CCDC149: variants seen among roughly 807,000 people sequenced by gnomAD.
CCDC149 encodes the protein coiled-coil domain-containing protein 149.
A neutral mutation model predicts 59.9 loss-of-function variants in CCDC149; 45 were observed. The observed-to-expected ratio is 0.75, with a 90% CI of 0.59 to 0.96. The LOEUF is 0.96. CCDC149 is among the 40% of genes least tolerant of loss of function. The pLI is 0.00. For synonymous variants in CCDC149, 245 were observed against 260.6 expected, an observed-to-expected ratio of 0.94 and a Z score of 0.58; for missense variants, 584 against 664.7, an observed-to-expected ratio of 0.88 and a Z score of 1.33.
chr4:24,940,881 C>T (rs565391777), intron 1 of CCDC149, among the ~76,000 whole-genome samples: 14 of 152,296 alleles, frequency 9.2e-5, no homozygotes, highest in South Asian at 2.1e-4. Flanking sequence ...TACAGGAGCA[C>T]CCAGATTCAT....
chr4:24,862,007 C>T (rs1321183192), intron 3 of CCDC149, among the ~76,000 whole-genome samples: 3 of 152,184 alleles, frequency 2.0e-5, no homozygotes, highest in African/African-American at 7.2e-5. Flanking sequence ...GAGATGGTGT[C>T]ACCCACTTCA....
chr4:24,836,725 C>T (rs181922681), intron 6 of CCDC149, among the ~76,000 whole-genome samples: 1 of 152,238 alleles, frequency 6.6e-6, no homozygotes, highest in East Asian at 1.9e-4. Flanking sequence ...ACAGACAACC[C>T]ACTTTAAAAC....
chr4:24,895,006 T>C (rs746216101), intron 1 of CCDC149: 1 of 1,536,272 alleles, frequency 6.5e-7, no homozygotes, highest in Non-Finnish European at 8.7e-7. Context: ...GAATCCCAAG[T>C]GGCCGCTCTG....
At chr4:24,818,568 G>A (rs753894160) in intron 12 of CCDC149, among the ~76,000 whole-genome samples, 18 of 152,206 alleles carry the variant, frequency 1.2e-4, no homozygotes, top group Non-Finnish European at 2.4e-4. Flanking sequence ...CTCTCATGAG[G>A]CGCCCATGAA....
Position 24,931,310 on chromosome 4 carries a change from AATATAT to A in CCDC149, c.-64-36198_-64-36193del, listed in dbSNP as rs71187200. ...ATTTATATATGTTTATTTATTTTAA[AATATAT>A]ATATATATATATATATCTCAGTACA... On this transcript the variant is annotated intron_variant, in intron 1 of 12. Coordinates refer to the CCDC149 transcript ENST00000389609. Among the ~76,000 whole-genome samples the A allele has an allele frequency of 7.2e-5, 10 of 138,248 alleles. No homozygotes were observed. In the East Asian group the frequency reaches 1.0e-3, roughly 14 times the overall value. The allele number at this position is 138,248 out of a possible 152,430, so 90.7% of individuals were successfully genotyped here. A position where few individuals can be genotyped will look rare whatever the true frequency, so the allele number is the denominator to read the frequency against.
chr4:24,968,814 G>T (rs975295088), intron 1 of CCDC149, among the ~76,000 whole-genome samples: 1 of 152,236 alleles, frequency 6.6e-6, no homozygotes, highest in African/African-American at 2.4e-5. Context: ...GCTTAACCTT[G>T]TGGTTAACTA....
chr4:24,963,451 TCA>T (rs1425498984), intron 1 of CCDC149, among the ~76,000 whole-genome samples: 1 of 152,044 alleles, frequency 6.6e-6, no homozygotes, highest in African/African-American at 2.4e-5. Flanking sequence ...ACACACACTC[TCA>T]GTGTCAGCAG....
chr4:24,855,574 CA>C lies in CCDC149; in HGVS notation c.265-2396del, dbSNP rs10639019. The stretch of plus-strand genomic sequence containing the variant: ...TGGGCAACAAAGAGAGACTCTGTCT[CA>C]AAAAAAAAAAAGGAAGAAAAAAGAA... On this transcript the variant is annotated intron_variant, in intron 3 of 12. Coordinates refer to ENST00000635206, the MANE Select transcript of CCDC149 (RefSeq NM_001330643.2). 1.7e-3 allele frequency among the ~76,000 whole-genome samples: 229 copies of C among 132,696 alleles called. 1 individual carries two copies. Among genetic ancestry groups the C allele is most frequent in the Non-Finnish European group, 2.3e-3 (150 of 63,874 alleles). 87.1% of individuals were successfully genotyped at this position (132,696 alleles called of 152,430 possible).
At chr4:24,878,805 G>A (rs571000142) in intron 1 of CCDC149, among the ~76,000 whole-genome samples, 363 of 152,312 alleles carry the variant, frequency 2.4e-3, no homozygotes, top group Non-Finnish European at 3.6e-3. Context: ...AAGGGTAACA[G>A]GTAAGGGCCG....
chr4:24,951,968 C>T (rs187574829), intron 1 of CCDC149, among the ~76,000 whole-genome samples: 1 of 152,316 alleles, frequency 6.6e-6, no homozygotes, highest in Admixed American at 6.5e-5. Flanking sequence ...AAGGACGAGA[C>T]CTTTTCCTTT....
At chr4:24,850,586 A>G (rs1241720228) in intron 4 of CCDC149, among the ~76,000 whole-genome samples, 1 of 152,152 alleles carries the variant, frequency 6.6e-6, no homozygotes, top group African/African-American at 2.4e-5. Context: ...GGTGACCAGG[A>G]GCAAGGATGT....
intron 3 of CCDC149, among the ~76,000 whole-genome samples, chr4:24,859,609 A>T (rs1044944828): frequency 1.3e-5 from 2 of 152,238 alleles, no homozygotes; most frequent in African/African-American, 4.8e-5. Context: ...CAATCAGACA[A>T]GAGAAAGAAA....
At chr4:24,875,589 C>A (rs780497587) in intron 2 of CCDC149, among the ~76,000 whole-genome samples, 1 of 151,366 alleles carries the variant, frequency 6.6e-6, no homozygotes, top group Non-Finnish European at 1.5e-5. Flanking sequence ...CTCATCTCAA[C>A]CTCTCAAAGT....
chr4:24,935,971 A>G (rs1722728967), intron 1 of CCDC149, among the ~76,000 whole-genome samples: 1 of 152,192 alleles, frequency 6.6e-6, no homozygotes, highest in South Asian at 2.1e-4. Flanking sequence ...AAGCAGAAGT[A>G]ACAAGAAAGA....
intron 1 of CCDC149, among the ~76,000 whole-genome samples, chr4:24,936,714 C>A (rs1002427402): frequency 6.7e-6 from 1 of 148,806 alleles, no homozygotes; most frequent in African/African-American, 2.6e-5. Context: ...CCCATTAGGG[C>A]AGTGGGGATG....
intron 2 of CCDC149, among the ~76,000 whole-genome samples, chr4:24,874,567 G>A (rs1433776737): frequency 6.6e-6 from 1 of 152,048 alleles, no homozygotes; most frequent in East Asian, 1.9e-4. Context: ...GGGCAACAGA[G>A]TGAGACTCTG....
In CCDC149 at chr4:24,937,584, C is replaced by T. The variant is rs115483338; in HGVS notation, c.-64-42466G>A. Among the ~76,000 whole-genome samples the T allele has an allele frequency of 2.6e-3, 397 of 152,336 alleles. 4 individuals carry two copies. The highest frequency in any genetic ancestry group is 9.0e-3 in the African/African-American group (376 of 41,574). Reference sequence around the variant, plus strand: ...CATGAGGCTCTGTGCCATGTGGTCACTCAGAGATTCAGGCTGTTAAAGATC... The same window carrying T: ...CATGAGGCTCTGTGCCATGTGGTCATTCAGAGATTCAGGCTGTTAAAGATC... On this transcript the variant is annotated intron_variant, in intron 1 of 12. Transcript: ENST00000389609.
intron 4 of CCDC149, among the ~76,000 whole-genome samples, chr4:24,843,939 T>C (rs1560213802): frequency 6.6e-6 from 1 of 152,142 alleles, no homozygotes; most frequent in South Asian, 2.1e-4. Context: ...GTCCGAAACA[T>C]GCCACTCTCA....
intron 1 of CCDC149, among the ~76,000 whole-genome samples, chr4:24,943,950 C>A (rs189122158): frequency 3.3e-5 from 5 of 152,042 alleles, no homozygotes; most frequent in African/African-American, 9.7e-5. Flanking sequence ...ACACTGTTGG[C>A]GGGACTGTAA....
Sources: gnomAD v4.1 joint callset for allele counts (sites outside exome capture counted in the v4.1 genomes callset) on GRCh38, gnomAD v4.1.1 for gene constraint, MANE v1.5 for transcripts, NCBI Gene and HGNC (gene_info 2026-07-23, HGNC 2026-07-21) for gene names.